The following ABCC9 variants were observed in gnomAD, a reference collection of about 807,000 sequenced individuals.
The protein encoded by ABCC9 is ATP-binding cassette sub-family C member 9.
ABCC9 carries 95 observed loss-of-function variants against 188.3 expected under a neutral mutation model. The ratio of observed to expected loss-of-function variants is 0.50; its 90% confidence interval spans 0.43 to 0.60. ABCC9 has a LOEUF of 0.60. Among genes scored for constraint, ABCC9 ranks in the 20% least tolerant of loss-of-function variants. ABCC9 has a pLI of 0.00. For missense variants in ABCC9, 1,102 were observed against 1,876.3 expected, an observed-to-expected ratio of 0.59 and a Z score of 7.62; for synonymous variants, 659 against 652.7, an observed-to-expected ratio of 1.01 and a Z score of -0.15.
intron 17 of ABCC9, 39 bp from the exon 18 acceptor site, chr12:21,872,769 G>A (rs777653054): frequency 1.4e-6 from 2 of 1,425,352 alleles, no homozygotes; most frequent in Non-Finnish European, 2.0e-6. Flanking sequence ...AGAATGAGAT[G>A]GATTCTTGGT....
At chr12:21,882,725 A>T (rs1946681983) in intron 16 of ABCC9, 41 bp downstream of exon 16, 1 of 1,481,066 alleles carries the variant, frequency 6.8e-7, no homozygotes, top group Non-Finnish European at 9.4e-7. Flanking sequence ...TAGTAACATA[A>T]ATGTTTCTAT....
rs1011019352 is a variant in ABCC9, at chr12:21,801,002, A to G, written c.*42T>C. ...CTGATGATCCATTAATTAGGTTATGACTGCATTATTTTAAATACATGTATT... is the reference window on the plus strand; with the variant it reads ...CTGATGATCCATTAATTAGGTTATGGCTGCATTATTTTAAATACATGTATT... On this transcript the variant is annotated 3_prime_UTR_variant, in exon 40 of 40. Transcript: ENST00000261200. The G allele has an allele frequency of 6.2e-7, 1 of 1,611,730 alleles. No homozygotes were observed. Among genetic ancestry groups the G allele is most frequent in the African/African-American group, 1.3e-5 (1 of 75,000 alleles).
chr12:21,803,651 G>A (rs1258866237), intron 39 of ABCC9, among the ~76,000 whole-genome samples: 3 of 119,294 alleles, frequency 2.5e-5, no homozygotes, highest in Non-Finnish European at 5.0e-5. Context: ...GTGAAACTCT[G>A]TCTCCAAAAA....
chr12:21,814,851 TATC>T (rs1942497341), intron 34 of ABCC9, 129 bp from the exon 35 acceptor site: 9 of 769,232 alleles, frequency 1.2e-5, no homozygotes, highest in South Asian at 3.2e-5. Flanking sequence ...ACATTATAGT[TATC>T]ATTTTTTCTT....
Position 21,894,192 on chromosome 12 carries a change from T to C in ABCC9, c.1660-18A>G, listed in dbSNP as rs770777327. The C allele has an allele frequency of 9.3e-6, 15 of 1,613,798 alleles. No individual in the cohort carries two copies. The highest frequency in any genetic ancestry group is 1.3e-5 in the Non-Finnish European group (15 of 1,179,874). Reference sequence around the variant, plus strand: ...ACAAATGTCTGTGCAAAGAAAGGAGTTCTTTAGAGAAAGCTGGAAAAAGTG... The same window carrying C: ...ACAAATGTCTGTGCAAAGAAAGGAGCTCTTTAGAGAAAGCTGGAAAAAGTG... On this transcript the variant is annotated intron_variant, in intron 13 of 39. Coordinates refer to ENST00000261200, the MANE Select transcript of ABCC9 (RefSeq NM_020297.4).
In ABCC9 at chr12:21,814,645, A is replaced by T; in HGVS notation, c.4101T>A (p.Asp1367Glu). 4 of 1,613,902 alleles carry T rather than the reference A, an allele frequency of 2.5e-6. No homozygotes were observed. The highest frequency in any genetic ancestry group is 3.4e-6 in the Non-Finnish European group (4 of 1,179,886). ...LAFFRMVDIFDGKIVIDGIDI... is the reference protein window; with the variant it reads ...LAFFRMVDIFEGKIVIDGIDI... ...TAAAAAATTTAGTTAGCAACTCACC[A>T]TCAAATATATCAACCATTCTGAAGA... The change falls in exon 35 of 40, where the codon GAT (aspartate) becomes GAA (glutamate). Residue 1367 changes from aspartate to glutamate, a missense_variant and splice_region_variant. This residue lies in a region of ABCC9 where 67 missense variants were observed against 101.0 expected (regional missense o/e 0.66). Transcript: ENST00000261200.
In ABCC9 at chr12:21,808,796, A is replaced by G. The variant is rs866000842; in HGVS notation, c.4315+1056T>C. Among the ~76,000 whole-genome samples the G allele has an allele frequency of 2.2e-3, 334 of 151,512 alleles. 1 individual carries two copies. Among genetic ancestry groups the G allele is most frequent in the African/African-American group, 7.0e-3 (287 of 41,270 alleles). On this transcript the variant is annotated intron_variant, in intron 37 of 39. Coordinates refer to ENST00000261200, the MANE Select transcript of ABCC9 (RefSeq NM_020297.4). ...CTTGTCTCAAAAAAAAAAAAAAAAA[A>G]AAAGAAAAAATCATTATGGAAAGTT...
intron 19 of ABCC9, 31 bp from the exon 20 acceptor site, chr12:21,863,085 C>T: frequency 1.4e-6 from 2 of 1,382,410 alleles, no homozygotes; most frequent in Non-Finnish European, 2.1e-6. Context: ...AAAAAAACAC[C>T]AGGATTATGC....
At chr12:21,823,800 C>T (rs1943191717) in intron 31 of ABCC9, among the ~76,000 whole-genome samples, 2 of 152,242 alleles carry the variant, frequency 1.3e-5, no homozygotes, top group Admixed American at 1.3e-4. Context: ...GCTGTAGTGA[C>T]ACATTGCACT....
chr12:21,885,480 A>T (rs754317911), intron 15 of ABCC9, among the ~76,000 whole-genome samples: 1 of 151,954 alleles, frequency 6.6e-6, no homozygotes, highest in South Asian at 2.1e-4. Flanking sequence ...CATGAACTTG[A>T]CCTCCTATAT....
intron 29 of ABCC9, among the ~76,000 whole-genome samples, chr12:21,839,871 A>G (rs559413010): frequency 6.6e-6 from 1 of 152,310 alleles, no homozygotes; most frequent in Non-Finnish European, 1.5e-5. Context: ...GAATTTTCAC[A>G]TGGGGATTCG....
chr12:21,862,360 T>C (rs1945560892), intron 20 of ABCC9, among the ~76,000 whole-genome samples: 1 of 152,156 alleles, frequency 6.6e-6, no homozygotes, highest in Non-Finnish European at 1.5e-5. Context: ...GTTTTGTCTT[T>C]CATATGGTCT....
intron 16 of ABCC9, among the ~76,000 whole-genome samples, chr12:21,876,258 G>T (rs1477047684): frequency 6.6e-6 from 1 of 152,146 alleles, no homozygotes; most frequent in Admixed American, 6.5e-5. Context: ...GGGATTACCA[G>T]ATAGTTTACA....
intron 22 of ABCC9, among the ~76,000 whole-genome samples, chr12:21,856,974 C>T (rs1220823261): frequency 6.6e-6 from 1 of 152,160 alleles, no homozygotes; most frequent in Non-Finnish European, 1.5e-5. Flanking sequence ...ATACCATCTA[C>T]CCTCTCTCAG....
intron 24 of ABCC9, 132 bp downstream of exon 24, chr12:21,851,965 T>G (rs539475404): frequency 1.8e-6 from 2 of 1,102,242 alleles, no homozygotes; most frequent in African/African-American, 3.2e-5. Context: ...TACAATTGCT[T>G]TGGATTTCAG....
At chr12:21,834,075 T>G (rs2137310042) in intron 30 of ABCC9, among the ~76,000 whole-genome samples, 1 of 152,354 alleles carries the variant, frequency 6.6e-6, no homozygotes, top group African/African-American at 2.4e-5. Flanking sequence ...TTCTCTCCAC[T>G]TTATCATTAC....
intron 22 of ABCC9, among the ~76,000 whole-genome samples, chr12:21,856,892 T>C (rs146627116): frequency 6.6e-6 from 1 of 152,312 alleles, no homozygotes; most frequent in East Asian, 1.9e-4. Flanking sequence ...TCAAAAGGCA[T>C]GCATTTCTAG....
At position 21,800,920 on chromosome 12, in the gene ABCC9, C is replaced by T. The variant is rs1941396200; in HGVS notation, c.*124G>A. The T allele has an allele frequency of 8.9e-7, 1 of 1,117,526 alleles. No homozygotes were observed. The highest frequency in any genetic ancestry group is 1.6e-5 in the African/African-American group (1 of 63,700). The allele number at this position is 1,117,526 out of a possible 1,614,324, so 69.2% of individuals were successfully genotyped here. A position where few individuals can be genotyped will look rare whatever the true frequency, so the allele number is the denominator to read the frequency against. On this transcript the variant is annotated 3_prime_UTR_variant, in exon 40 of 40. Coordinates refer to ENST00000261200, the MANE Select transcript of ABCC9 (RefSeq NM_020297.4). ...TTTTAAAAACAGGAAAAATAAATGTCCACTTTTTGTGCAAAAATCTGTAAA... is the reference window on the plus strand; with the variant it reads ...TTTTAAAAACAGGAAAAATAAATGTTCACTTTTTGTGCAAAAATCTGTAAA...
At chr12:21,807,765 C>T (rs1182893763) in intron 37 of ABCC9, among the ~76,000 whole-genome samples, 2 of 152,134 alleles carry the variant, frequency 1.3e-5, no homozygotes, top group African/African-American at 4.8e-5. Flanking sequence ...TTATTTAATA[C>T]AATTCTCTAA....
Sources: gnomAD v4.1 joint callset for allele counts (sites outside exome capture counted in the v4.1 genomes callset) on GRCh38, gnomAD v4.1.1 for gene constraint, gnomAD v4.1.1 regional missense constraint, MANE v1.5 for transcripts, NCBI Gene and HGNC (gene_info 2026-07-23, HGNC 2026-07-21) for gene names.